Variants in PRKCE observed in about 807,000 individuals in gnomAD.
The protein encoded by PRKCE is protein kinase C epsilon.
A neutral mutation model predicts 85.4 loss-of-function variants in PRKCE; 16 were observed. The ratio of observed to expected loss-of-function variants is 0.19; its 90% CI spans 0.13 to 0.28. PRKCE has a LOEUF of 0.28. PRKCE is among the 10% of genes least tolerant of loss of function. The pLI, the probability that PRKCE is intolerant of heterozygous loss-of-function variation, is 1.00. For synonymous variants in PRKCE, 388 were observed against 371.5 expected (o/e 1.04, Z -0.51); for missense variants, 573 against 975.2 (o/e 0.59, Z 5.49).
At chr2:45,721,301 C>T (rs1680599351) in intron 1 of PRKCE, among the ~76,000 whole-genome samples, 1 of 152,110 alleles carries the variant, frequency 6.6e-6, no homozygotes, top group South Asian at 2.1e-4. Context: ...TTCCACATTG[C>T]CTTGGGGAAG....
chr2:45,724,486 C>G (rs1680893594), intron 1 of PRKCE, among the ~76,000 whole-genome samples: 1 of 152,162 alleles, frequency 6.6e-6, no homozygotes, highest in South Asian at 2.1e-4. Context: ...GAAAGGAAGT[C>G]TCAGAGCTCT....
intron 2 of PRKCE, among the ~76,000 whole-genome samples, chr2:45,850,277 G>T (rs1692145232): frequency 6.6e-6 from 1 of 152,186 alleles, no homozygotes; most frequent in African/African-American, 2.4e-5. Context: ...ATTGAAGGAA[G>T]AATAGTTACA....
chr2:45,829,685 A>AC (rs1056340590), intron 1 of PRKCE, among the ~76,000 whole-genome samples: 28 of 152,160 alleles, frequency 1.8e-4, no homozygotes, highest in Non-Finnish European at 5.9e-5. Flanking sequence ...CACTGTACTT[A>AC]CCCCAGGTAA....
At position 45,937,511 on chromosome 2, in the gene PRKCE, G is replaced by T. The variant is rs189739577; in HGVS notation, c.413-38918G>T. 1.2e-3 allele frequency among the ~76,000 whole-genome samples: 177 copies of T among 152,284 alleles called. 1 individual carries two copies. The highest frequency in any genetic ancestry group is 0.01 in the Middle Eastern group (3 of 294). ...GCGGATCACGAGGTCAGGAGATGAA[G>T]ACCATCCTGGCTAATACGGTGAAAC... On this transcript the variant is annotated intron_variant, in intron 2 of 14. Transcript: ENST00000306156.
chr2:45,984,688 G>A lies in PRKCE; in HGVS notation c.823+8G>A, dbSNP rs1703167633. 4 of 1,596,746 alleles carry A rather than the reference G, an allele frequency of 2.5e-6. No individual in the cohort carries two copies. In the African/African-American group the frequency reaches 4.0e-5, roughly 16 times the overall value. On this transcript the variant is annotated splice_region_variant and intron_variant, in intron 6 of 14. Transcript: ENST00000306156. The stretch of plus-strand genomic sequence containing the variant: ...AGGGTTTGCAGTGTAAAGGTAAGTT[G>A]CTCCCTGCCCTGCCCTCAGCCCCTG...
intron 10 of PRKCE, among the ~76,000 whole-genome samples, chr2:46,070,369 C>G (rs1026894037): frequency 6.6e-6 from 1 of 152,196 alleles, no homozygotes; most frequent in Non-Finnish European, 1.5e-5. Flanking sequence ...TATGGCTGGG[C>G]GCGGTGGCGC....
chr2:46,165,935 T>G (rs1225195733), intron 14 of PRKCE, among the ~76,000 whole-genome samples: 1 of 152,238 alleles, frequency 6.6e-6, no homozygotes, highest in Non-Finnish European at 1.5e-5. Context: ...GTTCTCTTTT[T>G]TCAAGTTTGC....
At chr2:46,134,820 C>CA (rs1228365822) in intron 11 of PRKCE, among the ~76,000 whole-genome samples, 16 of 152,242 alleles carry the variant, frequency 1.1e-4, no homozygotes, top group Non-Finnish European at 2.2e-4. Context: ...GTGTAAGTGT[C>CA]ACGACGGATC....
chr2:45,949,507 T>C (rs1483100875), intron 2 of PRKCE, among the ~76,000 whole-genome samples: 5 of 151,650 alleles, frequency 3.3e-5, no homozygotes, highest in Non-Finnish European at 5.9e-5. Flanking sequence ...CAAATGTCTT[T>C]TCTCGGTATC....
chr2:45,935,323 C>T (rs548879937), intron 2 of PRKCE, among the ~76,000 whole-genome samples: 2 of 152,258 alleles, frequency 1.3e-5, no homozygotes, highest in African/African-American at 4.8e-5. Context: ...CTGCCATTCA[C>T]CAAAGATAAG....
chr2:45,785,518 G>A (rs1686531945), intron 1 of PRKCE, among the ~76,000 whole-genome samples: 1 of 151,860 alleles, frequency 6.6e-6, no homozygotes, highest in Non-Finnish European at 1.5e-5. Flanking sequence ...AAAAAGAAAT[G>A]TAAGTGGTAA....
intron 5 of PRKCE, among the ~76,000 whole-genome samples, chr2:45,982,137 T>A (rs1702937153): frequency 6.6e-6 from 1 of 152,224 alleles, no homozygotes; most frequent in Non-Finnish European, 1.5e-5. Flanking sequence ...TGACTCCCAG[T>A]CCTGGCTCTC....
At chr2:45,702,125 G>A (rs1416564005) in intron 1 of PRKCE, among the ~76,000 whole-genome samples, 3 of 152,128 alleles carry the variant, frequency 2.0e-5, no homozygotes, top group Admixed American at 2.0e-4. Context: ...GGAGGCAGAG[G>A]TTGCAGTGAG....
At chr2:46,169,841 CT>C in intron 14 of PRKCE, among the ~76,000 whole-genome samples, 1 of 152,262 alleles carries the variant, frequency 6.6e-6, no homozygotes, top group African/African-American at 2.4e-5. Context: ...AAATGTGGCA[CT>C]TCAGATTGAA....
intron 2 of PRKCE, among the ~76,000 whole-genome samples, chr2:45,958,812 ATATATTTTTTTTTTTTTTT>A (rs1701175344): frequency 7.5e-5 from 2 of 26,796 alleles, no homozygotes; most frequent in Non-Finnish European, 6.3e-5. Context: ...ATATATATAT[ATATATTTTTTTTTTTTTTT>A]TTTTTTTTTT....
rs144167119 is a variant in PRKCE at position 46,149,064 on chromosome 2, G to A, written c.1732-1977G>A. Among the ~76,000 whole-genome samples the A allele has an allele frequency of 9.7e-3, 1,473 of 152,336 alleles. 19 individuals carry two copies. Among genetic ancestry groups the A allele is most frequent in the African/African-American group, 0.033 (1,391 of 41,570 alleles). On this transcript the variant is annotated intron_variant, in intron 12 of 14. Transcript: ENST00000306156. ...TTCCAAATTCAGAAGATTCTAAACT[G>A]TGAGTGTTTTAACTGTTTCTAAATG...
At chr2:45,770,059 G>A (rs1374481744) in intron 1 of PRKCE, among the ~76,000 whole-genome samples, 1 of 152,198 alleles carries the variant, frequency 6.6e-6, no homozygotes, top group Non-Finnish European at 1.5e-5. Context: ...CAAGAGGTGG[G>A]GCTGTGAAAC....
rs1164915942 is a variant in PRKCE, at chr2:46,145,570, C to A, written c.1731+339C>A. On this transcript the variant is annotated intron_variant, in intron 12 of 14. Coordinates refer to ENST00000306156, the MANE Select transcript of PRKCE (RefSeq NM_005400.3). This position sits in a 1 kb window ranked among gnomAD's most constrained non-coding sequence, Gnocchi z 4.6. ...TTGACTTTTATTATTGTTTTCATGT[C>A]TTTAAAATCAGAACAGGGTGGGCAC... Among the ~76,000 whole-genome samples, 1 of 152,120 alleles carries A rather than the reference C, an allele frequency of 6.6e-6. No individual in the cohort carries two copies. The highest frequency in any genetic ancestry group is 2.4e-5 in the African/African-American group (1 of 41,426).
intron 1 of PRKCE, among the ~76,000 whole-genome samples, chr2:45,708,310 C>T (rs950187370): frequency 6.6e-6 from 1 of 152,220 alleles, no homozygotes; most frequent in Non-Finnish European, 1.5e-5. Flanking sequence ...AGCTAGACTA[C>T]ACCTCTCATT....
Sources: allele counts gnomAD v4.1 joint callset (sites outside exome capture counted in the v4.1 genomes callset), GRCh38; gene constraint gnomAD v4.1.1; non-coding constraint Gnocchi (gnomAD v3.1); transcripts MANE v1.5; gene names NCBI Gene and HGNC (gene_info 2026-07-23, HGNC 2026-07-21).